Variants in IQCK observed in about 807,000 individuals in gnomAD.
IQCK encodes the protein IQ motif containing K.
Under a neutral mutation model 28.1 loss-of-function variants are expected in IQCK, and 29 were observed. The ratio of observed to expected loss-of-function variants is 1.03; its 90% CI spans 0.77 to 1.41. The LOEUF is 1.41. Among genes scored for constraint, IQCK ranks in the 40% most tolerant of loss-of-function variants. The pLI, the probability that IQCK is intolerant of heterozygous loss-of-function variation, is 0.00. For missense variants in IQCK, 359 were observed against 314.7 expected, an observed-to-expected ratio of 1.14 and a Z score of -1.07; for synonymous variants, 113 against 115.1, an observed-to-expected ratio of 0.98 and a Z score of 0.12.
intron 3 of IQCK, 103 bp downstream of exon 3, chr16:19,733,930 A>G (rs1977922870): frequency 7.6e-6 from 8 of 1,052,814 alleles, no homozygotes; most frequent in Non-Finnish European, 1.1e-5. Context: ...GAGACCACAT[A>G]CATAAGAAAG....
chr16:19,805,566 A>G (rs1056941006), intron 7 of IQCK, among the ~76,000 whole-genome samples: 3 of 152,230 alleles, frequency 2.0e-5, no homozygotes, highest in Non-Finnish European at 4.4e-5. Flanking sequence ...AAATAAATGC[A>G]TAGTAACATA....
At chr16:19,721,046 T>C (rs13336914) in intron 1 of IQCK, among the ~76,000 whole-genome samples, 2,817 of 151,614 alleles carry the variant, frequency 0.019, 69 homozygotes, top group African/African-American at 0.064. Context: ...GAGGTCAACA[T>C]TGGCAAACTA....
chr16:19,809,521 A>G (rs1328648826), intron 7 of IQCK, among the ~76,000 whole-genome samples: 3 of 152,174 alleles, frequency 2.0e-5, no homozygotes, highest in Non-Finnish European at 4.4e-5. Flanking sequence ...AGCAGATACA[A>G]TCCAGGGGAC....
At chr16:19,733,860 G>T (rs749340137) in intron 3 of IQCK, 33 bp downstream of exon 3, 3 of 1,612,708 alleles carry the variant, frequency 1.9e-6, no homozygotes, top group African/African-American at 2.7e-5. Flanking sequence ...TTTATAATTT[G>T]GGGCTTTTAA....
At chr16:19,783,025 G>A (rs13337451) in intron 6 of IQCK, among the ~76,000 whole-genome samples, 26,710 of 150,036 alleles carry the variant, frequency 0.18, 2,482 homozygotes, top group South Asian at 0.26. Flanking sequence ...GTGAGACGGA[G>A]TCTTGTTGTG....
intron 9 of IQCK, among the ~76,000 whole-genome samples, chr16:19,850,703 A>G (rs1185289370): frequency 1.3e-5 from 2 of 152,108 alleles, no homozygotes; most frequent in Non-Finnish European, 2.9e-5. Context: ...CTTTGAGGGC[A>G]AAGAATATGC....
intron 6 of IQCK, among the ~76,000 whole-genome samples, chr16:19,778,867 A>G (rs574963890): frequency 9.6e-4 from 146 of 152,302 alleles, no homozygotes; most frequent in African/African-American, 3.3e-3. Flanking sequence ...GTTCCCTTAT[A>G]TGGCAGAAGG....
At chr16:19,723,569 C>CT (rs1307503836) in intron 1 of IQCK, among the ~76,000 whole-genome samples, 1 of 152,144 alleles carries the variant, frequency 6.6e-6, no homozygotes, top group Non-Finnish European at 1.5e-5. Flanking sequence ...TGTTTTGACT[C>CT]TCAAGTTCAA....
chr16:19,819,986 G>A (rs985723599), intron 7 of IQCK, among the ~76,000 whole-genome samples: 4 of 152,122 alleles, frequency 2.6e-5, no homozygotes, highest in East Asian at 1.9e-4. Flanking sequence ...CCATTCAGTG[G>A]GACAAAGAAT....
intron 9 of IQCK, among the ~76,000 whole-genome samples, chr16:19,852,180 T>C (rs2056491240): frequency 6.6e-6 from 1 of 152,212 alleles, no homozygotes; most frequent in Non-Finnish European, 1.5e-5. Flanking sequence ...CATGCCTTTA[T>C]TGGTTGGCTT....
At chr16:19,747,718 C>T (rs2151696049) in intron 4 of IQCK, among the ~76,000 whole-genome samples, 1 of 152,268 alleles carries the variant, frequency 6.6e-6, no homozygotes, top group Non-Finnish European at 1.5e-5. Context: ...TTAGCACCCA[C>T]TTATGAGTAA....
exon 10 of IQCK, chr16:19,857,510 C>T: frequency 2.4e-6 from 1 of 414,828 alleles, no homozygotes. Context: ...CACATTAATG[C>T]ATTTAATAAA....
At chr16:19,833,101 G>T (rs1007626583) in intron 9 of IQCK, among the ~76,000 whole-genome samples, 2 of 152,178 alleles carry the variant, frequency 1.3e-5, no homozygotes, top group East Asian at 3.8e-4. Context: ...GTGTGTGTAT[G>T]TGTGTGGTGA....
intron 7 of IQCK, among the ~76,000 whole-genome samples, chr16:19,821,327 GT>G (rs1268085339): frequency 6.6e-6 from 1 of 152,200 alleles, no homozygotes; most frequent in African/African-American, 2.4e-5. Flanking sequence ...GTGAAAACCA[GT>G]TTGTTTTCTC....
chr16:19,782,640 GAA>G (rs1479007498), intron 6 of IQCK, among the ~76,000 whole-genome samples: 1 of 151,692 alleles, frequency 6.6e-6, no homozygotes, highest in Non-Finnish European at 1.5e-5. Flanking sequence ...AAAGAAAAGA[GAA>G]AGAGAGAAAG....
At chr16:19,761,300 T>C in intron 4 of IQCK, 3 of 442,368 alleles carry the variant, frequency 6.8e-6, no homozygotes, top group South Asian at 4.8e-5. Context: ...ATTCAACCCC[T>C]AATGTTCTTT....
At chr16:19,824,217 G>A (rs760566747) in intron 7 of IQCK, among the ~76,000 whole-genome samples, 10 of 152,164 alleles carry the variant, frequency 6.6e-5, no homozygotes, top group Non-Finnish European at 1.2e-4. Context: ...GGTCCCATCT[G>A]GGGGGTGATG....
At chr16:19,718,916 A>G in intron 1 of IQCK, among the ~76,000 whole-genome samples, 1 of 152,224 alleles carries the variant, frequency 6.6e-6, no homozygotes, top group East Asian at 1.9e-4. Context: ...AGAGCACCCC[A>G]GGTAATCCTA....
intron 9 of IQCK, among the ~76,000 whole-genome samples, chr16:19,842,505 ACTTT>A (rs2056372962): frequency 1.3e-5 from 2 of 152,222 alleles, no homozygotes; most frequent in African/African-American, 4.8e-5. Flanking sequence ...ATATTAATGT[ACTTT>A]AACATCTTCT....
Sources: gnomAD v4.1 joint callset for allele counts (sites outside exome capture counted in the v4.1 genomes callset) on GRCh38, gnomAD v4.1.1 for gene constraint, MANE v1.5 for transcripts, NCBI Gene and HGNC (gene_info 2026-07-23, HGNC 2026-07-21) for gene names.